CSMD1: variants seen among roughly 807,000 people sequenced by gnomAD.
The protein encoded by CSMD1 is CUB and sushi domain-containing protein 1.
CSMD1 carries 213 observed loss-of-function variants against 417.5 expected under a neutral mutation model. The ratio of observed to expected loss-of-function variants is 0.51; its 90% CI spans 0.46 to 0.57. The LOEUF is 0.57. CSMD1 is among the 20% of genes least tolerant of loss of function. CSMD1 has a pLI of 0.00. For synonymous variants in CSMD1, 2,862 were observed against 1,736.8 expected, an observed-to-expected ratio of 1.65 and a Z score of -16.11; for missense variants, 6,923 against 4,529.7, an observed-to-expected ratio of 1.53 and a Z score of -15.17.
chr8:4,907,042 T>C (rs1805328507), intron 1 of CSMD1, among the ~76,000 whole-genome samples: 1 of 152,214 alleles, frequency 6.6e-6, no homozygotes, highest in African/African-American at 2.4e-5. Flanking sequence ...ATGTTTGCAT[T>C]CAACATAACA....
chr8:4,626,766 A>C (rs1802143168), intron 2 of CSMD1, among the ~76,000 whole-genome samples: 1 of 152,138 alleles, frequency 6.6e-6, no homozygotes, highest in South Asian at 2.1e-4. Flanking sequence ...GGCTTTATTC[A>C]CTTAGATCTG....
chr8:3,567,344 A>G (rs1327806131), intron 10 of CSMD1, among the ~76,000 whole-genome samples: 1 of 152,078 alleles, frequency 6.6e-6, no homozygotes, highest in Non-Finnish European at 1.5e-5. Context: ...TGGGTGATGA[A>G]TCTGTACAAC....
intron 3 of CSMD1, among the ~76,000 whole-genome samples, chr8:4,356,719 G>A (rs1801453001): frequency 6.6e-6 from 1 of 152,056 alleles, no homozygotes. Flanking sequence ...CTCTCCAATG[G>A]AGAGGTACAG....
At position 3,959,119 on chromosome 8, in the gene CSMD1, T is replaced by A. The variant is rs556614226; in HGVS notation, c.818+38784A>T. 1.1e-4 allele frequency among the ~76,000 whole-genome samples: 16 copies of A among 152,318 alleles called. No homozygotes were observed. In the South Asian group the frequency reaches 3.3e-3, roughly 32 times the overall value. On this transcript the variant is annotated intron_variant, in intron 5 of 69. Transcript: ENST00000635120. ...TCTGTCACATGCTTTCACTTTTATATCGCACACCAGTCTTTACATATTTAA... is the reference window on the plus strand; with the variant it reads ...TCTGTCACATGCTTTCACTTTTATAACGCACACCAGTCTTTACATATTTAA...
rs13267820 is a variant in CSMD1, at chr8:4,138,002, A to G, written c.416-105903T>C. On this transcript the variant is annotated intron_variant, in intron 3 of 69. Transcript: ENST00000635120. ...ACGCCATTCTCCCGCCTCAGCCTCC[A>G]GAGTAGCTGCGACTAGAGGCGCCCG... 4.2e-3 allele frequency among the ~76,000 whole-genome samples: 601 copies of G among 143,450 alleles called. 10 individuals carry two copies. The highest frequency in any genetic ancestry group is 0.015 in the African/African-American group (578 of 38,812). 94.1% of individuals were successfully genotyped at this position (143,450 alleles called of 152,430 possible).
At chr8:4,986,712 T>C (rs1811197568) in intron 1 of CSMD1, among the ~76,000 whole-genome samples, 1 of 152,076 alleles carries the variant, frequency 6.6e-6, no homozygotes, top group African/African-American at 2.4e-5. Flanking sequence ...TGTTTTGTTG[T>C]AAAACTATTA....
intron 3 of CSMD1, among the ~76,000 whole-genome samples, chr8:4,345,813 C>A (rs1210972059): frequency 1.3e-5 from 2 of 152,110 alleles, no homozygotes; most frequent in African/African-American, 4.8e-5. Flanking sequence ...TGTGCCTTCA[C>A]AGGGAGGTCA....
intron 2 of CSMD1, among the ~76,000 whole-genome samples, chr8:4,443,122 G>A (rs766022022): frequency 1.3e-5 from 2 of 152,116 alleles, no homozygotes; most frequent in African/African-American, 4.8e-5. Context: ...GTAAAAAGTG[G>A]TAGCTGGTAT....
In CSMD1 at chr8:3,875,288, G is replaced by A. The variant is rs111352124; in HGVS notation, c.819-121246C>T. ...AAGGATAAAAGGCAATATTTACACT[G>A]CATTAAGGATCCTAAACTCAAAGAA... On this transcript the variant is annotated intron_variant, in intron 5 of 69. Transcript: ENST00000635120. 9.2e-4 allele frequency among the ~76,000 whole-genome samples: 140 copies of A among 152,266 alleles called. 1 individual carries two copies. The highest frequency in any genetic ancestry group is 3.3e-3 in the African/African-American group (136 of 41,538).
At chr8:4,410,959 T>C (rs888428432) in intron 3 of CSMD1, among the ~76,000 whole-genome samples, 1 of 152,156 alleles carries the variant, frequency 6.6e-6, no homozygotes, top group African/African-American at 2.4e-5. Context: ...ACTAGGTTAG[T>C]TATTGAAACA....
At chr8:4,099,866 T>G (rs945394636) in intron 3 of CSMD1, among the ~76,000 whole-genome samples, 5 of 152,140 alleles carry the variant, frequency 3.3e-5, no homozygotes. Context: ...TCCGTTTATT[T>G]AAGTTTTAGT....
chr8:3,296,167 C>A (rs564771893), intron 25 of CSMD1, among the ~76,000 whole-genome samples: 1 of 151,914 alleles, frequency 6.6e-6, no homozygotes, highest in Admixed American at 6.6e-5. Context: ...GAAGGGGAAG[C>A]CTGAAGTATT....
At chr8:3,489,134 T>C (rs375582308) in intron 11 of CSMD1, among the ~76,000 whole-genome samples, 1 of 152,170 alleles carries the variant, frequency 6.6e-6, no homozygotes, top group Non-Finnish European at 1.5e-5. Context: ...AAAAAGAGAA[T>C]GATACCCTTT....
At chr8:4,317,486 C>A (rs80332337) in intron 3 of CSMD1, among the ~76,000 whole-genome samples, 1 of 152,260 alleles carries the variant, frequency 6.6e-6, no homozygotes, top group Non-Finnish European at 1.5e-5. Context: ...CATGTACATG[C>A]ACAATCACTA....
At chr8:4,461,915 G>T (rs966164165) in intron 2 of CSMD1, among the ~76,000 whole-genome samples, 2 of 151,592 alleles carry the variant, frequency 1.3e-5, no homozygotes, top group African/African-American at 2.4e-5. Flanking sequence ...TAATTTTTCT[G>T]TATTTTTAGA....
chr8:3,370,125 T>A lies in CSMD1; in HGVS notation c.2783-755A>T, dbSNP rs574044525. ...CTGAGAGTTGCTAACGGGAATTCAATTCTTAAGATATCAATAATTTAACCT... is the reference window on the plus strand; with the variant it reads ...CTGAGAGTTGCTAACGGGAATTCAAATCTTAAGATATCAATAATTTAACCT... On this transcript the variant is annotated intron_variant, in intron 18 of 69. Transcript: ENST00000635120. 3.9e-5 allele frequency among the ~76,000 whole-genome samples: 6 copies of A among 152,314 alleles called. No homozygotes were observed. The East Asian group carries it at 9.6e-4, about 24-fold the overall frequency.
At chr8:3,683,792 T>G (rs1458525740) in intron 7 of CSMD1, among the ~76,000 whole-genome samples, 1 of 152,166 alleles carries the variant, frequency 6.6e-6, no homozygotes, top group Non-Finnish European at 1.5e-5. Flanking sequence ...CCACATCTGC[T>G]TTGTGTTAAC....
chr8:3,577,698 T>C (rs548522171), intron 9 of CSMD1, among the ~76,000 whole-genome samples: 19 of 152,350 alleles, frequency 1.2e-4, no homozygotes, highest in African/African-American at 3.8e-4. Flanking sequence ...CCCTCCTTCT[T>C]AGGACATTGT....
intron 2 of CSMD1, among the ~76,000 whole-genome samples, chr8:4,527,495 A>G (rs1029195731): frequency 6.6e-6 from 1 of 152,166 alleles, no homozygotes; most frequent in African/African-American, 2.4e-5. Flanking sequence ...GTCAAGATAT[A>G]AAGAATGAGT....
Sources: gnomAD v4.1 joint callset for allele counts (sites outside exome capture counted in the v4.1 genomes callset) on GRCh38, gnomAD v4.1.1 for gene constraint, MANE v1.5 for transcripts, NCBI Gene and HGNC (gene_info 2026-07-23, HGNC 2026-07-21) for gene names.